The following PTPRJ variants were observed in gnomAD, a reference collection of about 807,000 sequenced individuals.
PTPRJ encodes protein tyrosine phosphatase receptor type J.
In PTPRJ, 129 loss-of-function variants were observed where a neutral mutation model predicts 141.3. The ratio of observed to expected loss-of-function variants is 0.91; its 90% confidence interval spans 0.79 to 1.06. PTPRJ has a LOEUF of 1.06. Among genes scored for constraint, PTPRJ ranks in the 50% least tolerant of loss-of-function variants. PTPRJ has a pLI of 0.00. For synonymous variants in PTPRJ, 610 were observed against 640.5 expected (o/e 0.95, Z 0.72); for missense variants, 1,601 against 1,679.7 (o/e 0.95, Z 0.82).
At position 48,137,170 on chromosome 11, in the gene PTPRJ, G is replaced by A; in HGVS notation, c.2041G>A (p.Asp681Asn). 6.2e-7 allele frequency: 1 copy of A among 1,613,044 alleles called. No individual in the cohort carries two copies. The highest frequency in any genetic ancestry group is 8.5e-7 in the Non-Finnish European group (1 of 1,178,988). Residue 681 changes from aspartate (D) to asparagine (N), a missense_variant, in exon 10 of 25, where the codon GAC becomes AAC. Coordinates refer to ENST00000418331, the MANE Select transcript of PTPRJ (RefSeq NM_002843.4). Reference protein sequence around the residue: ...TQVVTDIGITDATVTELIPGS... With the variant: ...TQVVTDIGITNATVTELIPGS... ...AGTAGTCACGGACATTGGAATTACTGACGCTACAGTCACTGAATTAATACC... is the reference window on the plus strand; with the variant it reads ...AGTAGTCACGGACATTGGAATTACTAACGCTACAGTCACTGAATTAATACC...
intron 1 of PTPRJ, among the ~76,000 whole-genome samples, chr11:48,050,603 C>T (rs1386835031): frequency 6.6e-6 from 1 of 152,162 alleles, no homozygotes; most frequent in Non-Finnish European, 1.5e-5. Flanking sequence ...TTTGAAGCCC[C>T]TGAGCCTTTA....
intron 1 of PTPRJ, among the ~76,000 whole-genome samples, chr11:48,095,012 A>G (rs1855969105): frequency 6.6e-6 from 1 of 152,136 alleles, no homozygotes; most frequent in South Asian, 2.1e-4. Flanking sequence ...CTTGAGAAGC[A>G]TTTGGAGTTT....
At chr11:48,029,980 A>AG (rs1491486077) in intron 1 of PTPRJ, among the ~76,000 whole-genome samples, 1 of 152,094 alleles carries the variant, frequency 6.6e-6, no homozygotes, top group East Asian at 1.9e-4. Context: ...CCGGTAAGAC[A>AG]GGGGGAAATT....
chr11:47,982,323 T>C (rs1426497963), intron 1 of PTPRJ, among the ~76,000 whole-genome samples: 1 of 152,256 alleles, frequency 6.6e-6, no homozygotes, highest in Non-Finnish European at 1.5e-5. Flanking sequence ...CAGGCTTCTC[T>C]ACCCTCAGTT....
At chr11:48,023,005 G>A (rs1176339422) in intron 1 of PTPRJ, among the ~76,000 whole-genome samples, 2 of 152,108 alleles carry the variant, frequency 1.3e-5, no homozygotes, top group Non-Finnish European at 2.9e-5. Context: ...GGATAGGGCG[G>A]TGGGTAAAAG....
At chr11:48,107,220 T>C (rs1856315180) in intron 1 of PTPRJ, among the ~76,000 whole-genome samples, 1 of 151,574 alleles carries the variant, frequency 6.6e-6, no homozygotes, top group South Asian at 2.1e-4. Flanking sequence ...GGAACCACAG[T>C]TGGGACTGGC....
chr11:48,036,413 T>C (rs1854124107), intron 1 of PTPRJ, among the ~76,000 whole-genome samples: 1 of 152,242 alleles, frequency 6.6e-6, no homozygotes, highest in Non-Finnish European at 1.5e-5. Flanking sequence ...CATTCCTTTC[T>C]CTCATTTCTT....
At chr11:47,987,604 A>C (rs1489070974) in intron 1 of PTPRJ, among the ~76,000 whole-genome samples, 1 of 152,246 alleles carries the variant, frequency 6.6e-6, no homozygotes, top group Non-Finnish European at 1.5e-5. Context: ...AAGGGCTGCC[A>C]CTTGCCAGAG....
At chr11:48,156,229 G>T in intron 21 of PTPRJ, 110 bp downstream of exon 21, 2 of 916,722 alleles carry the variant, frequency 2.2e-6, no homozygotes, top group Non-Finnish European at 1.6e-6. Context: ...TCAAACATTA[G>T]CACTTTATTC....
Position 48,145,216 on chromosome 11 carries a change from C to A in PTPRJ, c.2911+92C>A, listed in dbSNP as rs1857322581. 4.5e-6 allele frequency: 7 copies of A among 1,540,122 alleles called. No individual in the cohort carries two copies. The Admixed American group carries it at 6.9e-5, about 15-fold the overall frequency. Reference sequence around the variant, plus strand: ...CAGCTGTGTACATGCCTCCCTCAGACCTTCAGGAGGGTTGGTGTGCCCAGC... The same window carrying A: ...CAGCTGTGTACATGCCTCCCTCAGAACTTCAGGAGGGTTGGTGTGCCCAGC... On this transcript the variant is annotated intron_variant, in intron 14 of 24. Coordinates refer to ENST00000418331, the MANE Select transcript of PTPRJ (RefSeq NM_002843.4).
chr11:48,154,948 C>T (rs552106795), intron 19 of PTPRJ, among the ~76,000 whole-genome samples: 1 of 152,100 alleles, frequency 6.6e-6, no homozygotes, highest in Non-Finnish European at 1.5e-5. Context: ...TAGGCTGAGA[C>T]TCAGGTCAGT....
At chr11:47,989,540 AG>A (rs1315783361) in intron 1 of PTPRJ, among the ~76,000 whole-genome samples, 1 of 151,844 alleles carries the variant, frequency 6.6e-6, no homozygotes, top group Non-Finnish European at 1.5e-5. Flanking sequence ...GGCCTCCCAA[AG>A]TGCTGAGATT....
chr11:48,038,978 C>T (rs1217800503), intron 1 of PTPRJ, among the ~76,000 whole-genome samples: 5 of 151,116 alleles, frequency 3.3e-5, no homozygotes, highest in South Asian at 2.1e-4. Flanking sequence ...GTGAAACCCC[C>T]GTCTCTACTA....
At chr11:48,119,756 A>G (rs763693788) in intron 3 of PTPRJ, among the ~76,000 whole-genome samples, 4 of 152,278 alleles carry the variant, frequency 2.6e-5, no homozygotes, top group Admixed American at 6.5e-5. Context: ...CATGAGCCAG[A>G]TGAGGCACAC....
chr11:48,164,558 A>ATTTTTTTTTTTTTTTTTTT (rs60806872), intron 24 of PTPRJ, 43 bp downstream of exon 24: 1 of 715,256 alleles, frequency 1.4e-6, no homozygotes. Context: ...CTTCCCCTCC[A>ATTTTTTTTTTTTTTTTTTT]TTTTTTTTTT....
At chr11:48,134,138 A>G (rs1565320345) in intron 8 of PTPRJ, among the ~76,000 whole-genome samples, 1 of 152,232 alleles carries the variant, frequency 6.6e-6, no homozygotes. Flanking sequence ...AAAAATGAAA[A>G]GGAACAAATA....
chr11:48,052,039 A>T (rs1337314079), intron 1 of PTPRJ, among the ~76,000 whole-genome samples: 2 of 152,222 alleles, frequency 1.3e-5, no homozygotes, highest in African/African-American at 4.8e-5. Context: ...GATGGTGCTT[A>T]ACCCAGTATG....
chr11:48,093,912 G>A (rs1376650616), intron 1 of PTPRJ, among the ~76,000 whole-genome samples: 1 of 152,172 alleles, frequency 6.6e-6, no homozygotes, highest in African/African-American at 2.4e-5. Flanking sequence ...GATGAGTGGT[G>A]CAGACCTTTG....
chr11:48,046,912 A>T (rs199989134), intron 1 of PTPRJ, among the ~76,000 whole-genome samples: 1,447 of 74,086 alleles, frequency 0.02, 81 homozygotes, highest in African/African-American at 0.078. Context: ...ATATATATAT[A>T]TTTTTTTTTT....
Sources: allele counts gnomAD v4.1 joint callset (sites outside exome capture counted in the v4.1 genomes callset), GRCh38; gene constraint gnomAD v4.1.1; transcripts MANE v1.5; gene names NCBI Gene and HGNC (gene_info 2026-07-23, HGNC 2026-07-21).